Variants in GSAP observed in about 807,000 individuals in gnomAD.
GSAP encodes gamma-secretase activating protein, also known as gamma-secretase-activating protein.
In GSAP, 118 loss-of-function variants were observed where a neutral mutation model predicts 131.7. That is an observed-to-expected ratio of 0.90 (90% CI 0.77 to 1.04). The LOEUF is 1.04. Ranked by LOEUF, GSAP falls within the 50% of genes least tolerant of loss-of-function variation. GSAP has a pLI of 0.00. For missense variants in GSAP, 1,019 were observed against 1,013.2 expected, an observed-to-expected ratio of 1.01 and a Z score of -0.08; for synonymous variants, 381 against 363.4, an observed-to-expected ratio of 1.05 and a Z score of -0.55.
chr7:77,389,747 T>C (rs1458348882), intron 5 of GSAP, among the ~76,000 whole-genome samples: 4 of 152,256 alleles, frequency 2.6e-5, no homozygotes, highest in Admixed American at 6.5e-5. Context: ...TAAATGTATG[T>C]GTGCATGTGT....
At chr7:77,410,505 A>G (rs892919420) in intron 1 of GSAP, among the ~76,000 whole-genome samples, 2 of 152,226 alleles carry the variant, frequency 1.3e-5, no homozygotes, top group African/African-American at 4.8e-5. Flanking sequence ...TTAATTTCAC[A>G]GTTTAGTATA....
intron 5 of GSAP, among the ~76,000 whole-genome samples, chr7:77,392,043 G>A (rs780335213): frequency 4.6e-5 from 7 of 151,974 alleles, no homozygotes; most frequent in East Asian, 1.9e-4. Flanking sequence ...TGGCCAACAC[G>A]GGGAAACCCC....
Position 77,406,040 on chromosome 7 carries a change from AAAT to A in GSAP, c.172_174del (p.Ile58del), listed in dbSNP as rs778152204. 64 of 996,134 alleles carry A rather than the reference AAAT, an allele frequency of 6.4e-5. No homozygotes were observed. Among genetic ancestry groups the A allele is most frequent in the Non-Finnish European group, 8.2e-5 (59 of 719,862 alleles). The allele number at this position is 996,134 out of a possible 1,614,324, so 61.7% of individuals were successfully genotyped here. Reference sequence around the variant, plus strand: ...GAATATAGACATACCTTATAGGTATAAATAATATTTCCATTTCTTTCAACATTT... The same window carrying A: ...GAATATAGACATACCTTATAGGTATAAATATTTCCATTTCTTTCAACATTT... On this transcript the variant is annotated inframe_deletion, in exon 2 of 31. Coordinates refer to ENST00000257626, the MANE Select transcript of GSAP (RefSeq NM_017439.4).
intron 5 of GSAP, among the ~76,000 whole-genome samples, chr7:77,393,674 CTTTTT>C (rs773138759): frequency 7.5e-6 from 1 of 133,434 alleles, no homozygotes; most frequent in East Asian, 2.2e-4. Context: ...TATATACTTT[CTTTTT>C]TTTTTTTTTT....
chr7:77,348,074 C>T (rs542996747), intron 19 of GSAP, among the ~76,000 whole-genome samples: 7 of 151,586 alleles, frequency 4.6e-5, no homozygotes, highest in African/African-American at 1.2e-4. Context: ...GAGGCTGAGA[C>T]GGGAGGATTG....
At chr7:77,360,951 C>G in intron 13 of GSAP, 50 bp from the exon 14 acceptor site, 1 of 1,056,286 alleles carries the variant, frequency 9.5e-7, no homozygotes, top group Non-Finnish European at 1.5e-6. Flanking sequence ...AGAACTGGAA[C>G]TCCACCCAAG....
At chr7:77,369,902 G>GTTTTT (rs143719510) in intron 12 of GSAP, among the ~76,000 whole-genome samples, 50,619 of 151,138 alleles carry the variant, frequency 0.33, 9,449 homozygotes, top group African/African-American at 0.51. Context: ...TTTGAAACAC[G>GTTTTT]TTTTTTTATT....
At chr7:77,411,159 A>C (rs1803230125) in intron 1 of GSAP, among the ~76,000 whole-genome samples, 1 of 151,796 alleles carries the variant, frequency 6.6e-6, no homozygotes, top group Non-Finnish European at 1.5e-5. Flanking sequence ...TGGCCCCCAA[A>C]TCAATCTAGG....
At chr7:77,361,800 ATTAG>A (rs544207344) in intron 13 of GSAP, among the ~76,000 whole-genome samples, 32 of 152,326 alleles carry the variant, frequency 2.1e-4, no homozygotes, top group Non-Finnish European at 3.8e-4. Flanking sequence ...ACCAGGAGAA[ATTAG>A]TTAGGCATTT....
At chr7:77,416,027 C>A (rs1421046748) in intron 1 of GSAP, among the ~76,000 whole-genome samples, 186 bp downstream of exon 1, 3 of 152,218 alleles carry the variant, frequency 2.0e-5, no homozygotes, top group East Asian at 1.9e-4. Flanking sequence ...TGCCCCCAGA[C>A]CTTCCGCCGT....
intron 16 of GSAP, among the ~76,000 whole-genome samples, chr7:77,354,677 C>CTT (rs58464934): frequency 0.14 from 19,321 of 140,644 alleles, 1,903 homozygotes; most frequent in East Asian, 0.41. Context: ...CGTCTAATGT[C>CTT]TTTTTTTTTT....
intron 1 of GSAP, among the ~76,000 whole-genome samples, chr7:77,412,647 T>A (rs1563149861): frequency 6.7e-6 from 1 of 149,592 alleles, no homozygotes; most frequent in East Asian, 2.0e-4. Flanking sequence ...AATAATCAAT[T>A]AAAAAAAATA....
intron 6 of GSAP, 92 bp downstream of exon 6, chr7:77,387,268 T>C: frequency 1.4e-6 from 1 of 721,572 alleles, no homozygotes. Context: ...GGATTAAATA[T>C]GATAGAGTGA....
chr7:77,326,372 G>T, intron 22 of GSAP, 99 bp from the exon 23 acceptor site: 1 of 775,946 alleles, frequency 1.3e-6, no homozygotes, highest in Non-Finnish European at 2.1e-6. Context: ...CTGAGTCATT[G>T]AGAAAACATA....
Position 77,328,389 on chromosome 7 carries a change from G to A in GSAP, c.1765+217C>T, listed in dbSNP as rs1286147451. On this transcript the variant is annotated intron_variant, in intron 22 of 30. Transcript: ENST00000257626. ...AGGCCATCACCCAGGGACTCCCATC[G>A]CAAAAGCACATTCAGCAGCTGTCCC... 15 of 1,277,520 alleles carry A rather than the reference G, an allele frequency of 1.2e-5. No homozygotes were observed. In the Admixed American group the frequency reaches 1.6e-4, roughly 13 times the overall value. 79.1% of individuals were successfully genotyped at this position (1,277,520 alleles called of 1,614,324 possible). A position where few individuals can be genotyped will look rare whatever the true frequency, so the allele number is the denominator to read the frequency against.
chr7:77,325,618 T>G (rs1788224121), intron 23 of GSAP, among the ~76,000 whole-genome samples: 1 of 152,234 alleles, frequency 6.6e-6, no homozygotes, highest in Admixed American at 6.5e-5. Context: ...TCGCCCAGGA[T>G]GGAGGGCAGT....
chr7:77,339,087 T>A (rs1790492464), intron 19 of GSAP, among the ~76,000 whole-genome samples: 1 of 152,074 alleles, frequency 6.6e-6, no homozygotes, highest in Non-Finnish European at 1.5e-5. Context: ...GTCACGAGTG[T>A]CCAGAGCCAC....
rs747200715 is a variant in GSAP at position 77,314,443 on chromosome 7, C to T, written c.2136G>A (p.Leu712=). The stretch of plus-strand genomic sequence containing the variant: ...TGTCAATGCAATGCAGCAGGTTATG[C>T]AAAGGGAGACACTGGACCCCGAGGA... The part of the protein sequence containing the change: ...HTILGVQCLP[L]HNLLHCIDSG... Residue 712 remains leucine (L), a synonymous_variant, in exon 27 of 31, where the codon TTG becomes TTA. Transcript: ENST00000257626. The T allele has an allele frequency of 4.8e-5, 78 of 1,613,594 alleles. No homozygotes were observed. Among genetic ancestry groups the T allele is most frequent in the Non-Finnish European group, 6.4e-5 (75 of 1,179,736 alleles).
chr7:77,333,124 GC>G (rs1789409304), intron 19 of GSAP, among the ~76,000 whole-genome samples: 1 of 152,120 alleles, frequency 6.6e-6, no homozygotes, highest in Non-Finnish European at 1.5e-5. Flanking sequence ...CCAAGATGGC[GC>G]CACTGCACTC....
Sources: allele counts gnomAD v4.1 joint callset (sites outside exome capture counted in the v4.1 genomes callset), GRCh38; gene constraint gnomAD v4.1.1; transcripts MANE v1.5; gene names NCBI Gene and HGNC (gene_info 2026-07-23, HGNC 2026-07-21).